The following SPIDR variants were observed in gnomAD, a reference collection of about 807,000 sequenced individuals.
SPIDR encodes scaffold protein involved in DNA repair.
SPIDR carries 93 observed loss-of-function variants against 104.6 expected under a neutral mutation model. The ratio of observed to expected loss-of-function variants is 0.89; its 90% CI spans 0.75 to 1.06. The LOEUF is 1.06. Among genes scored for constraint, SPIDR ranks in the 50% least tolerant of loss-of-function variants. The pLI, the probability that SPIDR is intolerant of heterozygous loss-of-function variation, is 0.00. For missense variants in SPIDR, 1,154 were observed against 1,111.2 expected (o/e 1.04, Z -0.55); for synonymous variants, 431 against 416.9 (o/e 1.03, Z -0.41).
rs185312479 is a variant in SPIDR, at chr8:47,346,465, G to A, written c.526-49911G>A. On this transcript the variant is annotated intron_variant, in intron 5 of 19. Transcript: ENST00000297423. ...TGTCTCTGCCAGGCTTTGGTATCACGATGATGCTGGCCTCATAAAATGAAT... is the reference window on the plus strand; with the variant it reads ...TGTCTCTGCCAGGCTTTGGTATCACAATGATGCTGGCCTCATAAAATGAAT... Among the ~76,000 whole-genome samples, 160 of 152,200 alleles carry A rather than the reference G, an allele frequency of 1.1e-3. 1 individual carries two copies. The highest frequency in any genetic ancestry group is 1.8e-3 in the Non-Finnish European group (122 of 68,008).
intron 10 of SPIDR, among the ~76,000 whole-genome samples, chr8:47,602,968 T>G (rs2062475587): frequency 6.6e-6 from 1 of 152,166 alleles, no homozygotes; most frequent in South Asian, 2.1e-4. Context: ...GTGTTGTAGG[T>G]CAGAGTAACC....
intron 8 of SPIDR, among the ~76,000 whole-genome samples, chr8:47,464,506 G>T (rs1485585076): frequency 6.6e-6 from 1 of 152,126 alleles, no homozygotes; most frequent in African/African-American, 2.4e-5. Flanking sequence ...ATAGGAAGCT[G>T]GGAACCCGAC....
intron 10 of SPIDR, among the ~76,000 whole-genome samples, chr8:47,613,812 T>A (rs1051954044): frequency 6.6e-6 from 1 of 152,252 alleles, no homozygotes; most frequent in South Asian, 2.1e-4. Flanking sequence ...AGTCTTTTTT[T>A]AAAATTATAT....
In SPIDR at chr8:47,577,342, G is replaced by T. The variant is rs541352284; in HGVS notation, c.1098-18469G>T. Among the ~76,000 whole-genome samples, 4 of 152,338 alleles carry T rather than the reference G, an allele frequency of 2.6e-5. No individual in the cohort carries two copies. In the South Asian group the frequency reaches 8.3e-4, roughly 32 times the overall value. ...CTGCCAGGACTGGCAAAGTGGACAG[G>T]CTCCATAGAAAGGTTTCTTGTCATT... On this transcript the variant is annotated intron_variant, in intron 8 of 19. Coordinates refer to ENST00000297423, the MANE Select transcript of SPIDR (RefSeq NM_001080394.4).
At chr8:47,722,610 C>T (rs2083559683) in intron 16 of SPIDR, among the ~76,000 whole-genome samples, 2 of 152,156 alleles carry the variant, frequency 1.3e-5, no homozygotes, top group African/African-American at 4.8e-5. Flanking sequence ...TGCATCTGCA[C>T]TTTATATTGT....
chr8:47,381,718 G>A lies in SPIDR; in HGVS notation c.526-14658G>A, dbSNP rs911038204. Among the ~76,000 whole-genome samples the A allele has an allele frequency of 4.6e-5, 7 of 152,334 alleles. No individual in the cohort carries two copies. The South Asian group carries it at 1.2e-3, about 27-fold the overall frequency. On this transcript the variant is annotated intron_variant, in intron 5 of 19. Coordinates refer to ENST00000297423, the MANE Select transcript of SPIDR (RefSeq NM_001080394.4). ...GGCATGGGCAGCTCACCTGGCCTGC[G>A]AGTCTGGGCTCAGCTGGACCTGCCC...
At chr8:47,444,039 C>A (rs1208358378) in intron 8 of SPIDR, among the ~76,000 whole-genome samples, 1 of 152,074 alleles carries the variant, frequency 6.6e-6, no homozygotes, top group African/African-American at 2.4e-5. Context: ...CAAAAAAATG[C>A]ATTAATCTAT....
At chr8:47,695,995 C>G (rs556698194) in intron 11 of SPIDR, among the ~76,000 whole-genome samples, 164 of 152,294 alleles carry the variant, frequency 1.1e-3, no homozygotes, top group African/African-American at 3.8e-3. Flanking sequence ...ATTTCTATTG[C>G]CCCAGGACTT....
intron 8 of SPIDR, among the ~76,000 whole-genome samples, chr8:47,460,238 A>T (rs554427765): frequency 6.6e-6 from 1 of 152,196 alleles, no homozygotes; most frequent in East Asian, 1.9e-4. Context: ...GGAGTGTTGA[A>T]GTCCTCCACT....
intron 10 of SPIDR, among the ~76,000 whole-genome samples, chr8:47,621,836 G>A (rs986692079): frequency 1.3e-5 from 2 of 152,164 alleles, no homozygotes; most frequent in African/African-American, 4.8e-5. Flanking sequence ...ATGATGGTGG[G>A]TGCCTGTAGT....
chr8:47,527,812 CT>C (rs2085269787), intron 8 of SPIDR: 1 of 152,210 alleles, frequency 6.6e-6, no homozygotes, highest in Non-Finnish European at 1.5e-5. Context: ...AGCTACTATT[CT>C]TTTAATGGAC....
At chr8:47,694,917 T>C (rs1446154336) in intron 11 of SPIDR, among the ~76,000 whole-genome samples, 1 of 152,138 alleles carries the variant, frequency 6.6e-6, no homozygotes. Context: ...ATAATCAACC[T>C]ATTAGATGAC....
intron 8 of SPIDR, among the ~76,000 whole-genome samples, chr8:47,553,100 T>C (rs566525795): frequency 3.9e-5 from 6 of 152,312 alleles, no homozygotes; most frequent in African/African-American, 1.4e-4. Flanking sequence ...CCCACTCTCT[T>C]CTGGCTTGTG....
At chr8:47,597,405 C>A (rs1381054737) in intron 9 of SPIDR, among the ~76,000 whole-genome samples, 1 of 152,094 alleles carries the variant, frequency 6.6e-6, no homozygotes, top group Non-Finnish European at 1.5e-5. Flanking sequence ...TGTGATCTTC[C>A]CCTTCCTGTG....
intron 5 of SPIDR, among the ~76,000 whole-genome samples, chr8:47,321,665 G>A (rs782456559): frequency 6.6e-6 from 1 of 152,128 alleles, no homozygotes; most frequent in African/African-American, 2.4e-5. Context: ...GAACAAAGCT[G>A]GAGGCATCGT....
intron 5 of SPIDR, among the ~76,000 whole-genome samples, chr8:47,377,879 A>T (rs1277652465): frequency 1.3e-5 from 2 of 152,206 alleles, no homozygotes; most frequent in Non-Finnish European, 2.9e-5. Flanking sequence ...TATTTCAGAA[A>T]CACAACATGT....
chr8:47,670,402 A>G (rs7842068), intron 10 of SPIDR, among the ~76,000 whole-genome samples: 96,011 of 152,030 alleles, frequency 0.63, 30,889 homozygotes, highest in East Asian at 0.81. Context: ...TGGAGAGAAG[A>G]GAGGGAAACA....
intron 10 of SPIDR, among the ~76,000 whole-genome samples, chr8:47,641,150 A>T (rs182230556): frequency 6.6e-6 from 1 of 151,926 alleles, no homozygotes; most frequent in East Asian, 2.0e-4. Flanking sequence ...ATTAAATAAG[A>T]CTAGGTAATT....
chr8:47,601,504 G>A (rs867463801), intron 10 of SPIDR, among the ~76,000 whole-genome samples: 5 of 152,268 alleles, frequency 3.3e-5, no homozygotes, highest in Middle Eastern at 3.4e-3. Flanking sequence ...GACCATCCTG[G>A]CCAACATGGT....
Sources: allele counts gnomAD v4.1 joint callset (sites outside exome capture counted in the v4.1 genomes callset), GRCh38; gene constraint gnomAD v4.1.1; transcripts MANE v1.5; gene names NCBI Gene and HGNC (gene_info 2026-07-23, HGNC 2026-07-21).